FOXN3: variants seen among roughly 807,000 people sequenced by gnomAD.
The protein encoded by FOXN3 is forkhead box N3.
A neutral mutation model predicts 38.4 loss-of-function variants in FOXN3; 7 were observed. That is an observed-to-expected ratio of 0.18 (90% CI 0.10 to 0.34). FOXN3 has a LOEUF of 0.34. Among genes scored for constraint, FOXN3 ranks in the 10% least tolerant of loss-of-function variants. The pLI is 1.00. For missense variants in FOXN3, 456 were observed against 613.4 expected (o/e 0.74, Z 2.71); for synonymous variants, 230 against 242.2 (o/e 0.95, Z 0.47).
At chr14:89,465,570 A>G (rs978656377) in intron 1 of FOXN3, among the ~76,000 whole-genome samples, 2 of 152,198 alleles carry the variant, frequency 1.3e-5, no homozygotes, top group Non-Finnish European at 2.9e-5. Context: ...ACAATCCAGA[A>G]GAACTTTTCA....
chr14:89,238,150 A>G (rs1448598913), intron 4 of FOXN3, among the ~76,000 whole-genome samples: 2 of 152,232 alleles, frequency 1.3e-5, no homozygotes, highest in Admixed American at 6.5e-5. Flanking sequence ...GTATACTCAC[A>G]GCACCAGAAC....
intron 2 of FOXN3, among the ~76,000 whole-genome samples, chr14:89,370,798 C>T (rs1890297369): frequency 6.6e-6 from 1 of 152,208 alleles, no homozygotes; most frequent in Non-Finnish European, 1.5e-5. Context: ...GTCTGCATGG[C>T]CCGTAGGGTC....
chr14:89,314,331 T>C (rs1017512899), intron 3 of FOXN3, among the ~76,000 whole-genome samples: 2 of 152,236 alleles, frequency 1.3e-5, no homozygotes, highest in African/African-American at 4.8e-5. Flanking sequence ...AATATTTTAC[T>C]ACACTAGGCT....
intron 2 of FOXN3, among the ~76,000 whole-genome samples, chr14:89,363,587 A>G (rs997978028): frequency 6.6e-6 from 1 of 152,222 alleles, no homozygotes; most frequent in African/African-American, 2.4e-5. Context: ...CTTCTCCAAA[A>G]GTCATTTTGG....
chr14:89,448,034 G>A (rs1357080527), intron 1 of FOXN3, among the ~76,000 whole-genome samples: 2 of 151,692 alleles, frequency 1.3e-5, no homozygotes, highest in East Asian at 1.9e-4. Flanking sequence ...GGCTGGTCTC[G>A]AACTCCTGAC....
At chr14:89,178,697 G>A (rs566967191) in intron 5 of FOXN3, among the ~76,000 whole-genome samples, 9 of 152,292 alleles carry the variant, frequency 5.9e-5, no homozygotes, top group Admixed American at 3.3e-4. Flanking sequence ...CACCTCAAGA[G>A]GGAACTAATC....
intron 1 of FOXN3, among the ~76,000 whole-genome samples, chr14:89,517,354 TAAA>T (rs57430361): frequency 1.5e-5 from 2 of 129,484 alleles, no homozygotes; most frequent in Non-Finnish European, 1.6e-5. Context: ...GACCCTGTCT[TAAA>T]AAAAAAAAAA....
intron 5 of FOXN3, among the ~76,000 whole-genome samples, chr14:89,168,730 G>A (rs1005287185): frequency 1.3e-5 from 2 of 152,174 alleles, no homozygotes; most frequent in Non-Finnish European, 2.9e-5. Flanking sequence ...TTCTAGTTTT[G>A]ATGACGGTAC....
chr14:89,273,384 T>C lies in FOXN3; in HGVS notation c.745+7566A>G, dbSNP rs550686808. On this transcript the variant is annotated intron_variant, in intron 4 of 5. Coordinates refer to ENST00000557258, the MANE Select transcript of FOXN3 (RefSeq NM_005197.4). ...ACTTCTCTGTTTCTGTTCACAAAACTGCCATTTTCTCAGTGTGCATCACTG... is the reference window on the plus strand; with the variant it reads ...ACTTCTCTGTTTCTGTTCACAAAACCGCCATTTTCTCAGTGTGCATCACTG... 1.3e-4 allele frequency among the ~76,000 whole-genome samples: 20 copies of C among 152,346 alleles called. No homozygotes were observed. The South Asian group carries it at 3.3e-3, about 25-fold the overall frequency.
intron 4 of FOXN3, among the ~76,000 whole-genome samples, chr14:89,248,496 A>G (rs901656383): frequency 6.6e-6 from 1 of 152,250 alleles, no homozygotes; most frequent in African/African-American, 2.4e-5. Context: ...TTAAGCTGAC[A>G]TGGGCCAGAG....
intron 1 of FOXN3, among the ~76,000 whole-genome samples, chr14:89,611,811 A>G (rs1224204567): frequency 1.4e-5 from 1 of 73,280 alleles, no homozygotes; most frequent in Non-Finnish European, 3.7e-5. Context: ...GTCTCAAAAA[A>G]AAAAAAAAAA....
intron 4 of FOXN3, among the ~76,000 whole-genome samples, chr14:89,189,192 C>T (rs1361868295): frequency 1.3e-5 from 2 of 152,088 alleles, no homozygotes; most frequent in African/African-American, 4.8e-5. Context: ...AAGGCTGGGA[C>T]AAGCAGAGGG....
chr14:89,196,363 C>G (rs1463366947), intron 4 of FOXN3, among the ~76,000 whole-genome samples: 1 of 152,168 alleles, frequency 6.6e-6, no homozygotes, highest in African/African-American at 2.4e-5. Context: ...GGGAAAAGCA[C>G]TGCACTAGAC....
At chr14:89,397,779 C>T (rs113963127) in intron 2 of FOXN3, among the ~76,000 whole-genome samples, 7,979 of 152,274 alleles carry the variant, frequency 0.052, 294 homozygotes, top group Non-Finnish European at 0.076. Context: ...CCTCTCTGAG[C>T]TTCAGTTTCC....
rs1461676314 is a variant in FOXN3 at position 89,360,748 on chromosome 14, C to CCAG, written c.544-9941_544-9940insCTG. On this transcript the variant is annotated intron_variant, in intron 2 of 5. Coordinates refer to ENST00000557258, the MANE Select transcript of FOXN3 (RefSeq NM_005197.4). ...ACCACCACCACCTCCAGCACCACCT[C>CCAG]CACCACCACCTCCACCACTACCACC... Among the ~76,000 whole-genome samples, 121 of 105,954 alleles carry CCAG rather than the reference C, an allele frequency of 1.1e-3. 4 individuals are homozygous for CCAG. Among genetic ancestry groups the CCAG allele is most frequent in the African/African-American group, 4.8e-3 (93 of 19,228 alleles). 69.5% of individuals were successfully genotyped at this position (105,954 alleles called of 152,430 possible).
At chr14:89,271,868 A>C (rs986484619) in intron 4 of FOXN3, among the ~76,000 whole-genome samples, 2 of 152,236 alleles carry the variant, frequency 1.3e-5, no homozygotes, top group African/African-American at 4.8e-5. Flanking sequence ...TAAAGTAGAA[A>C]ACTGTTTAGA....
intron 1 of FOXN3, among the ~76,000 whole-genome samples, chr14:89,617,010 GTTTTGT>G (rs145853696): frequency 0.013 from 1,986 of 152,142 alleles, 43 homozygotes; most frequent in African/African-American, 0.046. Flanking sequence ...TGACATGCAG[GTTTTGT>G]TTTTGTTTTT....
At chr14:89,498,335 G>A (rs1359097522) in intron 1 of FOXN3, among the ~76,000 whole-genome samples, 1 of 147,670 alleles carries the variant, frequency 6.8e-6, no homozygotes, top group Admixed American at 6.9e-5. Context: ...CAATTCTCCT[G>A]CCTCAGCCTC....
chr14:89,459,390 C>A (rs1892791755), intron 1 of FOXN3, among the ~76,000 whole-genome samples: 1 of 152,120 alleles, frequency 6.6e-6, no homozygotes, highest in Non-Finnish European at 1.5e-5. Flanking sequence ...GCACCCAAAC[C>A]ATTAGCCTTT....
Sources: allele counts gnomAD v4.1 joint callset (sites outside exome capture counted in the v4.1 genomes callset), GRCh38; gene constraint gnomAD v4.1.1; transcripts MANE v1.5; gene names NCBI Gene and HGNC (gene_info 2026-07-23, HGNC 2026-07-21).